NT5DC3: variants seen among roughly 807,000 people sequenced by gnomAD.
The protein encoded by NT5DC3 is 5'-nucleotidase domain containing 3.
Under a neutral mutation model 67.8 loss-of-function variants are expected in NT5DC3, and 42 were observed. The observed-to-expected ratio is 0.62, with a 90% CI of 0.48 to 0.80. NT5DC3 has a LOEUF of 0.80. NT5DC3 is among the 30% of genes least tolerant of loss of function. The pLI is 0.00. For synonymous variants in NT5DC3, 237 were observed against 255.6 expected (o/e 0.93, Z 0.69); for missense variants, 570 against 696.4 (o/e 0.82, Z 2.04).
the NT5DC3 span, chr12:103,754,961 A>AT: frequency 0.039 from 8,638 of 218,826 alleles, 389 homozygotes; most frequent in African/African-American, 0.12. Flanking sequence ...AAAAAAAAAA[A>AT]TTTGAGTTCT....
rs555350783 is a variant in NT5DC3 at position 103,835,833 on chromosome 12, C to T, written c.208+5116G>A. ...CCAACGGTATATCAGTCCATTTTCA[C>T]GCTGCTGATAAAGACATAATTGAGA... On this transcript the variant is annotated intron_variant, in intron 1 of 13. Coordinates refer to ENST00000392876, the MANE Select transcript of NT5DC3 (RefSeq NM_001031701.3). Among the ~76,000 whole-genome samples, 77 of 152,158 alleles carry T rather than the reference C, an allele frequency of 5.1e-4. 1 individual carries two copies. Among genetic ancestry groups the T allele is most frequent in the Non-Finnish European group, 1.0e-3 (71 of 68,034 alleles).
At chr12:103,806,085 A>C (rs753777239) in intron 4 of NT5DC3, among the ~76,000 whole-genome samples, 40 of 152,076 alleles carry the variant, frequency 2.6e-4, no homozygotes, top group Non-Finnish European at 4.6e-4. Context: ...AACTGCAGTC[A>C]AGTTTACTTA....
At chr12:103,759,297 G>C in the NT5DC3 span, 11 of 1,610,106 alleles carry the variant, frequency 6.8e-6, no homozygotes, top group Non-Finnish European at 9.3e-6. Context: ...TGGGCTTCTT[G>C]GGGGAACGGG....
chr12:103,781,783 T>C (rs553377742), intron 12 of NT5DC3, among the ~76,000 whole-genome samples: 76 of 152,126 alleles, frequency 5.0e-4, no homozygotes, highest in Non-Finnish European at 9.1e-4. Flanking sequence ...CCATGCACTC[T>C]AGAGTGGGTA....
intron 13 of NT5DC3, 82 bp downstream of exon 13, chr12:103,780,218 G>T: frequency 8.6e-7 from 1 of 1,164,944 alleles, no homozygotes; most frequent in Non-Finnish European, 1.3e-6. Flanking sequence ...TATGCCTCAG[G>T]CTGGCCCTGG....
chr12:103,826,732 A>G (rs941922679), intron 1 of NT5DC3, among the ~76,000 whole-genome samples: 2 of 152,218 alleles, frequency 1.3e-5, no homozygotes, highest in African/African-American at 4.8e-5. Flanking sequence ...TACAGAGACA[A>G]TCTGCCTTTT....
At chr12:103,797,531 T>C (rs1373305745) in intron 5 of NT5DC3, among the ~76,000 whole-genome samples, 1 of 151,708 alleles carries the variant, frequency 6.6e-6, no homozygotes, top group African/African-American at 2.4e-5. Context: ...GCAGAGCTGA[T>C]GTCTCACTCT....
intron 4 of NT5DC3, among the ~76,000 whole-genome samples, chr12:103,805,161 A>G (rs542429603): frequency 2.6e-5 from 4 of 152,320 alleles, no homozygotes; most frequent in African/African-American, 9.6e-5. Flanking sequence ...GATGAGAGGA[A>G]TGAGACTGGA....
At chr12:103,766,612 A>ATCTT, downstream of NT5DC3, 1 of 401,368 alleles carries the variant, frequency 2.5e-6, no homozygotes. Flanking sequence ...GGTAACTGTG[A>ATCTT]TCTTTCTTCC....
chr12:103,759,080 C>A, the NT5DC3 span: 1 of 1,613,722 alleles, frequency 6.2e-7, no homozygotes, highest in Non-Finnish European at 8.5e-7. Flanking sequence ...ATTAAAAAGA[C>A]AAAATATTGC....
chr12:103,758,300 T>C, the NT5DC3 span: 3 of 1,612,552 alleles, frequency 1.9e-6, no homozygotes, highest in Non-Finnish European at 2.5e-6. Flanking sequence ...GTGAGTTGAG[T>C]CCCTGGTGCC....
chr12:103,806,936 A>C lies in NT5DC3; in HGVS notation c.394-7T>G. 6.4e-7 allele frequency: 1 copy of C among 1,572,832 alleles called. No homozygotes were observed. Among genetic ancestry groups the C allele is most frequent in the South Asian group, 1.1e-5 (1 of 90,120 alleles). On this transcript the variant is annotated splice_region_variant and splice_polypyrimidine_tract_variant and intron_variant, in intron 2 of 13. Coordinates refer to ENST00000392876, the MANE Select transcript of NT5DC3 (RefSeq NM_001031701.3). ...TCCTGATTTCTGCTGGATACTAAGA[A>C]AGAAGAAAGGAACTGGTTTTAGCCA...
At chr12:103,747,433 TTTATC>T in the NT5DC3 span, among the ~76,000 whole-genome samples, 2 of 152,190 alleles carry the variant, frequency 1.3e-5, no homozygotes, top group Non-Finnish European at 2.9e-5. Context: ...CTGAACTCCT[TTTATC>T]TTGTGGCTCT....
chr12:103,839,817 C>A (rs139515944), intron 1 of NT5DC3, among the ~76,000 whole-genome samples: 2 of 152,258 alleles, frequency 1.3e-5, no homozygotes, highest in Non-Finnish European at 2.9e-5. Flanking sequence ...AGTCATTTTA[C>A]GTCCCCTCTG....
chr12:103,760,385 C>T, the NT5DC3 span, among the ~76,000 whole-genome samples: 25 of 152,284 alleles, frequency 1.6e-4, no homozygotes, highest in African/African-American at 3.1e-4. Flanking sequence ...CTCAGCCTCC[C>T]GCGTAGCTGG....
Position 103,777,644 on chromosome 12 carries a change from G to C in NT5DC3, c.*185C>G. 1.5e-6 allele frequency: 1 copy of C among 669,074 alleles called. No individual in the cohort carries two copies. Among genetic ancestry groups the C allele is most frequent in the Non-Finnish European group, 2.5e-6 (1 of 407,832 alleles). The allele number at this position is 669,074 out of a possible 1,614,324, so 41.4% of individuals were successfully genotyped here. On this transcript the variant is annotated 3_prime_UTR_variant, in exon 14 of 14. Transcript: ENST00000392876. ...CTTTCAGCCCTGCATGGGGGGAAAG[G>C]CTGGAGGGGTGGGCTGCTAGCTCCT...
At chr12:103,750,845 C>CT in the NT5DC3 span, 1 of 1,294,376 alleles carries the variant, frequency 7.7e-7, no homozygotes, top group East Asian at 2.6e-5. Flanking sequence ...AATCCCAATA[C>CT]TTTGGGAGGC....
intron 9 of NT5DC3, 57 bp downstream of exon 9, chr12:103,793,107 A>C (rs879475188): frequency 1.9e-4 from 226 of 1,184,122 alleles, no homozygotes; most frequent in Non-Finnish European, 2.6e-4. Flanking sequence ...CACACCATCT[A>C]TATATTCACA....
At chr12:103,759,171 T>C in the NT5DC3 span, 1 of 1,614,194 alleles carries the variant, frequency 6.2e-7, no homozygotes, top group South Asian at 1.1e-5. Flanking sequence ...ACCTCGCCAA[T>C]GTCAGCATGT....
Sources: allele counts gnomAD v4.1 joint callset (sites outside exome capture counted in the v4.1 genomes callset), GRCh38; gene constraint gnomAD v4.1.1; transcripts MANE v1.5; gene names NCBI Gene and HGNC (gene_info 2026-07-23, HGNC 2026-07-21).